The following SDK1 variants were observed in gnomAD, a reference collection of about 807,000 sequenced individuals.
SDK1 encodes the protein protein sidekick-1.
Under a neutral mutation model 245.5 loss-of-function variants are expected in SDK1, and 157 were observed. The ratio of observed to expected loss-of-function variants is 0.64; its 90% CI spans 0.56 to 0.73. The LOEUF (loss-of-function observed/expected upper bound fraction) is 0.73. SDK1 is among the 30% of genes least tolerant of loss of function. The pLI, the probability that SDK1 is intolerant of heterozygous loss-of-function variation, is 0.00. For synonymous variants in SDK1, 1,647 were observed against 1,278.5 expected, an observed-to-expected ratio of 1.29 and a Z score of -6.15; for missense variants, 3,583 against 3,002.3, an observed-to-expected ratio of 1.19 and a Z score of -4.52.
At chr7:3,971,285 A>C (rs1381753741) in intron 11 of SDK1, among the ~76,000 whole-genome samples, 181 bp from the exon 12 acceptor site, 1 of 151,968 alleles carries the variant, frequency 6.6e-6, no homozygotes, top group Non-Finnish European at 1.5e-5. Flanking sequence ...GCAATGGTTT[A>C]CTTATTTGCT....
chr7:4,099,128 CA>C (rs1475513485), intron 22 of SDK1, among the ~76,000 whole-genome samples: 1 of 151,960 alleles, frequency 6.6e-6, no homozygotes, highest in East Asian at 1.9e-4. Flanking sequence ...GAAGGGGACA[CA>C]GTCTTTCGAT....
At chr7:4,202,802 C>T (rs914971281) in intron 35 of SDK1, among the ~76,000 whole-genome samples, 1 of 152,176 alleles carries the variant, frequency 6.6e-6, no homozygotes, top group Non-Finnish European at 1.5e-5. Context: ...CGGTGCCTGT[C>T]CAGCTGCCTC....
At chr7:4,184,483 C>T (rs190062838) in intron 35 of SDK1, among the ~76,000 whole-genome samples, 9 of 152,260 alleles carry the variant, frequency 5.9e-5, no homozygotes, top group Admixed American at 2.6e-4. Context: ...GTACCTGGCC[C>T]GGGGTCAGCC....
chr7:3,349,935 A>G (rs1265682255), intron 1 of SDK1, among the ~76,000 whole-genome samples: 1 of 152,146 alleles, frequency 6.6e-6, no homozygotes, highest in Non-Finnish European at 1.5e-5. Context: ...CACATCCTGG[A>G]TTGGTAGATA....
intron 20 of SDK1, among the ~76,000 whole-genome samples, chr7:4,072,537 T>G (rs1195372068): frequency 6.6e-6 from 1 of 152,200 alleles, no homozygotes; most frequent in Non-Finnish European, 1.5e-5. Context: ...GTAGACATAG[T>G]TTTCCAGTGG....
At chr7:3,374,615 T>A (rs932461592) in intron 1 of SDK1, among the ~76,000 whole-genome samples, 1 of 152,064 alleles carries the variant, frequency 6.6e-6, no homozygotes, top group African/African-American at 2.4e-5. Flanking sequence ...GTGCTTTGAA[T>A]AAGGTACGTT....
chr7:4,261,264 C>G (rs942135115), intron 44 of SDK1, among the ~76,000 whole-genome samples: 21 of 152,232 alleles, frequency 1.4e-4, no homozygotes, highest in African/African-American at 5.1e-4. Context: ...GTAATTCACT[C>G]TGACTCTCAG....
chr7:4,128,406 C>G (rs1039982574), intron 26 of SDK1, among the ~76,000 whole-genome samples: 2 of 152,244 alleles, frequency 1.3e-5, no homozygotes, highest in East Asian at 3.8e-4. Flanking sequence ...TCCTGGGGCC[C>G]CGAGAAACGC....
intron 4 of SDK1, among the ~76,000 whole-genome samples, chr7:3,742,335 T>C (rs1779501118): frequency 6.6e-6 from 1 of 152,108 alleles, no homozygotes; most frequent in Admixed American, 6.5e-5. Flanking sequence ...CTCTCTGCCT[T>C]TTCCCGTCTG....
intron 4 of SDK1, among the ~76,000 whole-genome samples, chr7:3,817,261 C>G (rs986749691): frequency 6.6e-6 from 1 of 152,148 alleles, no homozygotes; most frequent in South Asian, 2.1e-4. Flanking sequence ...CCCCTTGGGT[C>G]CATAGATACT....
intron 4 of SDK1, among the ~76,000 whole-genome samples, chr7:3,777,132 A>G (rs1010029427): frequency 6.6e-6 from 1 of 152,130 alleles, no homozygotes; most frequent in African/African-American, 2.4e-5. Flanking sequence ...CTTACATTGG[A>G]TGAGATAAAA....
intron 1 of SDK1, among the ~76,000 whole-genome samples, chr7:3,507,004 A>T (rs548651280): frequency 6.6e-6 from 1 of 152,178 alleles, no homozygotes; most frequent in African/African-American, 2.4e-5. Context: ...AAGCTACCTT[A>T]CAAGTATGTC....
intron 14 of SDK1, among the ~76,000 whole-genome samples, chr7:4,009,318 G>A (rs1249684434): frequency 2.6e-5 from 4 of 152,218 alleles, no homozygotes; most frequent in East Asian, 1.9e-4. Flanking sequence ...TCTACCAACC[G>A]AGTCTGGTTG....
At chr7:3,814,507 T>A (rs1396724745) in intron 4 of SDK1, among the ~76,000 whole-genome samples, 3 of 152,090 alleles carry the variant, frequency 2.0e-5, no homozygotes, top group African/African-American at 7.2e-5. Context: ...GCTGTTTTGG[T>A]TACTGTAGCC....
intron 1 of SDK1, among the ~76,000 whole-genome samples, chr7:3,351,123 G>A (rs913180926): frequency 9.2e-5 from 14 of 152,168 alleles, no homozygotes; most frequent in African/African-American, 3.1e-4. Context: ...AGTTCTGAGA[G>A]CCTACTGTTG....
intron 5 of SDK1, among the ~76,000 whole-genome samples, chr7:3,892,626 C>T (rs184646019): frequency 7.2e-5 from 11 of 152,256 alleles, no homozygotes; most frequent in Non-Finnish European, 1.5e-4. Context: ...AAAAGAAACC[C>T]AGGAGAGAGT....
chr7:3,831,261 G>A (rs1779905874), intron 5 of SDK1, among the ~76,000 whole-genome samples: 1 of 152,206 alleles, frequency 6.6e-6, no homozygotes, highest in Non-Finnish European at 1.5e-5. Flanking sequence ...TATTTACTCA[G>A]TAGTTGAATA....
intron 1 of SDK1, among the ~76,000 whole-genome samples, chr7:3,452,463 G>A (rs1332218641): frequency 6.6e-6 from 1 of 152,080 alleles, no homozygotes; most frequent in Admixed American, 6.5e-5. Context: ...TGTAATAAAG[G>A]TAACCTTATA....
intron 1 of SDK1, among the ~76,000 whole-genome samples, chr7:3,514,623 A>G (rs1406388051): frequency 6.6e-6 from 1 of 152,150 alleles, no homozygotes; most frequent in African/African-American, 2.4e-5. Flanking sequence ...GCATGCACGA[A>G]GGAGGAGAGT....
Sources: gnomAD v4.1 joint callset for allele counts (sites outside exome capture counted in the v4.1 genomes callset) on GRCh38, gnomAD v4.1.1 for gene constraint, MANE v1.5 for transcripts, NCBI Gene and HGNC (gene_info 2026-07-23, HGNC 2026-07-21) for gene names.